Variants in P3H2 observed in about 807,000 individuals in gnomAD.
P3H2 encodes the protein leprecan-like 1.
A neutral mutation model predicts 87.0 loss-of-function variants in P3H2; 80 were observed. That is an observed-to-expected ratio of 0.92 (90% CI 0.77 to 1.11). P3H2 has a LOEUF of 1.11. P3H2 is among the 50% of genes least tolerant of loss of function. P3H2 has a pLI of 0.00. For missense variants in P3H2, 1,001 were observed against 923.9 expected (o/e 1.08, Z -1.08); for synonymous variants, 367 against 359.3 (o/e 1.02, Z -0.24).
Position 189,957,441 on chromosome 3 carries a change from T to TTGTGTG in P3H2, c.*465_*470dup, listed in dbSNP as rs3062107. On this transcript the variant is annotated 3_prime_UTR_variant, in exon 15 of 15. Transcript: ENST00000319332. ...AGCTTTTGAATTTGCAGCAACTTAA[T>TTGTGTG]TGTGTGTGTGTGTGTGTGTGTGTGT... 1.4e-4 allele frequency: 36 copies of TTGTGTG among 258,220 alleles called. No individual in the cohort carries two copies. Among genetic ancestry groups the TTGTGTG allele is most frequent in the South Asian group, 1.2e-3 (7 of 5,872 alleles). 16.0% of individuals were successfully genotyped at this position (258,220 alleles called of 1,614,324 possible). A position where few individuals can be genotyped will look rare whatever the true frequency, so the allele number is the denominator to read the frequency against.
chr3:190,054,719 G>A (rs1458320668), intron 1 of P3H2, among the ~76,000 whole-genome samples: 2 of 152,078 alleles, frequency 1.3e-5, no homozygotes, highest in Admixed American at 1.3e-4. Flanking sequence ...TCCCTTCATG[G>A]ATTTCAGCTA....
intron 1 of P3H2, among the ~76,000 whole-genome samples, chr3:190,082,259 A>G (rs1487496115): frequency 1.3e-5 from 2 of 152,122 alleles, no homozygotes; most frequent in Non-Finnish European, 2.9e-5. Flanking sequence ...CTGCCTCAAA[A>G]ACAAAACAAA....
In P3H2 at chr3:189,966,123, A is replaced by AAAAGAAAGAAAGAAAG. The variant is rs34608513; in HGVS notation, c.1894-2041_1894-2026dup. 1.2e-3 allele frequency among the ~76,000 whole-genome samples: 122 copies of AAAAGAAAGAAAGAAAG among 102,224 alleles called. 1 individual carries two copies. The highest frequency in any genetic ancestry group is 2.2e-3 in the South Asian group (6 of 2,740). 67.1% of individuals were successfully genotyped at this position (102,224 alleles called of 152,430 possible). A position where few individuals can be genotyped will look rare whatever the true frequency, so the allele number is the denominator to read the frequency against. On this transcript the variant is annotated intron_variant, in intron 13 of 14. Transcript: ENST00000319332. The stretch of plus-strand genomic sequence containing the variant: ...GAAAGAAAAAAGAAAGAAAGAAAGA[A>AAAAGAAAGAAAGAAAG]AAAGAAAGAAAGAAAGAAAGAAAGA...
chr3:190,034,484 T>C (rs1468449134), intron 1 of P3H2, among the ~76,000 whole-genome samples: 1 of 152,192 alleles, frequency 6.6e-6, no homozygotes, highest in East Asian at 1.9e-4. Context: ...TAACATACTC[T>C]CCATGTGATT....
In P3H2 at chr3:190,120,562, C is replaced by A. The variant is rs751640063; in HGVS notation, c.170G>T (p.Ser57Ile). 6.5e-7 allele frequency: 1 copy of A among 1,537,090 alleles called. No homozygotes were observed. The highest frequency in any genetic ancestry group is 1.9e-5 in the Admixed American group (1 of 52,888). The part of the protein sequence containing the change: ...LYASGAAAYY[S>I]GDYERAVRDL... ...GCGCACCGCTCGCTCGTAGTCTCCG[C>A]TGTAGTAGGCGGCCGCGCCGCTGGC... Residue 57 changes from serine (S) to isoleucine (I), a missense_variant, in exon 1 of 15, where the codon AGC becomes ATC. By Grantham distance (142) the Ser-to-Ile change is moderately radical. Transcript: ENST00000319332.
intron 1 of P3H2, among the ~76,000 whole-genome samples, chr3:190,070,643 G>A (rs1490710424): frequency 6.6e-6 from 1 of 152,150 alleles, no homozygotes; most frequent in African/African-American, 2.4e-5. Flanking sequence ...CTATCTATAT[G>A]TAGCCAATTC....
intron 8 of P3H2, among the ~76,000 whole-genome samples, chr3:189,977,360 T>C (rs560329556): frequency 1.3e-5 from 2 of 152,262 alleles, no homozygotes; most frequent in South Asian, 4.1e-4. Context: ...TGGCAAGGAA[T>C]AGAGGGCGTC....
chr3:189,965,454 C>T (rs576079257), intron 13 of P3H2, among the ~76,000 whole-genome samples: 1 of 152,108 alleles, frequency 6.6e-6, no homozygotes, highest in Non-Finnish European at 1.5e-5. Flanking sequence ...AGAAAAAAAG[C>T]AGTCAGTTTC....
In P3H2 at chr3:190,032,317, A is replaced by G. The variant is rs371145874; in HGVS notation, c.481-36875T>C. ...ATGCTGACTCATTCACTCAAGTATA[A>G]AATTTACTATATGAATTGCCTTAGG... is the stretch of plus-strand genomic sequence containing the variant. On this transcript the variant is annotated intron_variant, in intron 1 of 14. Transcript: ENST00000319332. Among the ~76,000 whole-genome samples, 29 of 152,298 alleles carry G rather than the reference A, an allele frequency of 1.9e-4. 1 individual carries two copies. Among genetic ancestry groups the G allele is most frequent in the Admixed American group, 9.8e-4 (15 of 15,284 alleles).
intron 1 of P3H2, among the ~76,000 whole-genome samples, chr3:190,010,632 C>A (rs1037140479): frequency 1.3e-5 from 2 of 152,140 alleles, no homozygotes; most frequent in Non-Finnish European, 2.9e-5. Context: ...AAAAACCAAA[C>A]CTGACTCCTT....
chr3:189,995,154 C>T, intron 2 of P3H2, 136 bp downstream of exon 2: 2 of 762,470 alleles, frequency 2.6e-6, no homozygotes, highest in African/African-American at 1.8e-5. Flanking sequence ...TCTGAGAATT[C>T]TGAAAGTCCA....
intron 3 of P3H2, among the ~76,000 whole-genome samples, chr3:189,990,712 A>G (rs1723850710): frequency 6.6e-6 from 1 of 152,246 alleles, no homozygotes; most frequent in Non-Finnish European, 1.5e-5. Flanking sequence ...ATTTAGGACA[A>G]TTTTGAAGCA....
At chr3:189,968,152 T>C (rs185054955) in intron 13 of P3H2, among the ~76,000 whole-genome samples, 88 of 152,310 alleles carry the variant, frequency 5.8e-4, no homozygotes, top group African/African-American at 2.0e-3. Context: ...CTAGTGTACA[T>C]GTGCAGAATG....
At chr3:189,970,213 T>TATAATATATATATATAA (rs1331727926) in intron 13 of P3H2, among the ~76,000 whole-genome samples, 2 of 121,152 alleles carry the variant, frequency 1.7e-5, no homozygotes, top group African/African-American at 6.8e-5. Flanking sequence ...TATATATATA[T>TATAATATATATATATAA]ATATATATAT....
Position 190,115,442 on chromosome 3 carries a change from C to A in P3H2, c.480+4810G>T, listed in dbSNP as rs1177549910. ...AAAAGTGGGAGAAAAAAAAAAAAAA[C>A]CAGACACTGTCAAACCATTCCTGAT... On this transcript the variant is annotated intron_variant, in intron 1 of 14. Transcript: ENST00000319332. Among the ~76,000 whole-genome samples the A allele has an allele frequency of 5.6e-4, 78 of 139,784 alleles. 2 individuals are homozygous for A. The Middle Eastern group carries it at 0.012, about 21-fold the overall frequency. 91.7% of individuals were successfully genotyped at this position (139,784 alleles called of 152,430 possible). A position where few individuals can be genotyped will look rare whatever the true frequency, so the allele number is the denominator to read the frequency against.
chr3:190,095,314 A>G (rs1727536868), intron 1 of P3H2, among the ~76,000 whole-genome samples: 1 of 101,300 alleles, frequency 9.9e-6, no homozygotes, highest in Non-Finnish European at 2.1e-5. Flanking sequence ...ATATATATAT[A>G]TATATATATA....
At chr3:190,122,126 A>C, upstream of P3H2, 1 of 143,942 alleles carries the variant, frequency 6.9e-6, no homozygotes, top group African/African-American at 2.6e-5. Context: ...AGAGGAGGGG[A>C]GGGGAGGGGA....
chr3:190,085,509 G>T (rs1050969408), intron 1 of P3H2, among the ~76,000 whole-genome samples: 3 of 152,196 alleles, frequency 2.0e-5, no homozygotes, highest in African/African-American at 7.2e-5. Context: ...AGCATTTGCA[G>T]CTCCACACAG....
intron 1 of P3H2, among the ~76,000 whole-genome samples, chr3:190,057,839 T>C (rs1044952337): frequency 6.6e-6 from 1 of 152,158 alleles, no homozygotes; most frequent in East Asian, 1.9e-4. Flanking sequence ...TAGGAATCTA[T>C]TTTCAGAGTG....
Sources: allele counts gnomAD v4.1 joint callset (sites outside exome capture counted in the v4.1 genomes callset), GRCh38; gene constraint gnomAD v4.1.1; transcripts MANE v1.5; gene names NCBI Gene and HGNC (gene_info 2026-07-23, HGNC 2026-07-21).